Variants in GFRA2 observed in about 807,000 individuals in gnomAD.
GFRA2 encodes GDNF family receptor alpha-2.
A neutral mutation model predicts 48.3 loss-of-function variants in GFRA2; 17 were observed. That is an observed-to-expected ratio of 0.35 (90% CI 0.24 to 0.53). GFRA2 has a LOEUF of 0.53. Ranked by LOEUF, GFRA2 falls within the 20% of genes least tolerant of loss-of-function variation. GFRA2 has a pLI of 0.93. For missense variants in GFRA2, 660 were observed against 637.3 expected (o/e 1.04, Z -0.38); for synonymous variants, 305 against 257.2 (o/e 1.19, Z -1.78).
chr8:21,807,828 C>A (rs2117121446), intron 1 of GFRA2, among the ~76,000 whole-genome samples: 1 of 152,346 alleles, frequency 6.6e-6, no homozygotes, highest in South Asian at 2.1e-4. Flanking sequence ...CTTTCTATTT[C>A]AATTCCGTCT....
chr8:21,766,077 G>A (rs141313928), intron 3 of GFRA2, among the ~76,000 whole-genome samples: 1 of 152,058 alleles, frequency 6.6e-6, no homozygotes, highest in Non-Finnish European at 1.5e-5. Flanking sequence ...AATGCCTCCA[G>A]TGGTTTCTCA....
In GFRA2 at chr8:21,702,993, G is replaced by A; in HGVS notation, c.1046-16C>T. ...ATGGCGTTCCCTGGGATGGGGGTGAGGGCAGATGCAGAGAAGTCAGAACCC... is the reference window on the plus strand; with the variant it reads ...ATGGCGTTCCCTGGGATGGGGGTGAAGGCAGATGCAGAGAAGTCAGAACCC... On this transcript the variant is annotated splice_polypyrimidine_tract_variant and intron_variant, in intron 6 of 8. Transcript: ENST00000524240. 2.0e-6 allele frequency: 3 copies of A among 1,485,860 alleles called. No individual in the cohort carries two copies. Among genetic ancestry groups the A allele is most frequent in the Non-Finnish European group, 2.7e-6 (3 of 1,120,472 alleles). The allele number at this position is 1,485,860 out of a possible 1,614,324, so 92.0% of individuals were successfully genotyped here. A position where few individuals can be genotyped will look rare whatever the true frequency, so the allele number is the denominator to read the frequency against.
At position 21,691,106 on chromosome 8, in the gene GFRA2, T is replaced by A. The variant is rs746662823; in HGVS notation, c.*2172A>T. On this transcript the variant is annotated 3_prime_UTR_variant, in exon 9 of 9. Coordinates refer to ENST00000524240, the MANE Select transcript of GFRA2 (RefSeq NM_001495.5). ...CAAAAGCCATTGAGGGGACCTGCGA[T>A]TGGGAGATGGGAAAACTGCATCCTA... is the stretch of plus-strand genomic sequence containing the variant. The A allele has an allele frequency of 6.6e-6, 1 of 152,202 alleles. No individual in the cohort carries two copies. Among genetic ancestry groups the A allele is most frequent in the Admixed American group, 6.5e-5 (1 of 15,280 alleles). The allele number at this position is 152,202 out of a possible 1,614,324, so 9.4% of individuals were successfully genotyped here.
intron 6 of GFRA2, 52 bp downstream of exon 6, chr8:21,704,933 C>G: frequency 7.2e-7 from 1 of 1,393,002 alleles, no homozygotes; most frequent in East Asian, 2.3e-5. Context: ...AGGACAGACT[C>G]CAGGAGGGGT....
chr8:21,702,077 C>G (rs1239675629), intron 7 of GFRA2, among the ~76,000 whole-genome samples: 1 of 152,212 alleles, frequency 6.6e-6, no homozygotes, highest in African/African-American at 2.4e-5. Flanking sequence ...CTGCCCGCCG[C>G]TCTAGCATGA....
intron 1 of GFRA2, among the ~76,000 whole-genome samples, chr8:21,809,474 G>A (rs563603004): frequency 3.5e-5 from 5 of 141,520 alleles, no homozygotes; most frequent in South Asian, 2.2e-4. Flanking sequence ...ACAGGCGCCC[G>A]CCACCATGCC....
At chr8:21,779,657 G>A (rs2117728664) in intron 2 of GFRA2, 1 of 152,374 alleles carries the variant, frequency 6.6e-6, no homozygotes, top group South Asian at 2.1e-4. Context: ...CCTCAGGACA[G>A]TATTCCTCCC....
At chr8:21,761,023 G>A (rs899295014) in intron 3 of GFRA2, among the ~76,000 whole-genome samples, 18 of 152,128 alleles carry the variant, frequency 1.2e-4, no homozygotes, top group Admixed American at 3.3e-4. Context: ...CAGCAAGGGC[G>A]GGTAGAGAAA....
chr8:21,792,874 G>A (rs1807600476), upstream of GFRA2, among the ~76,000 whole-genome samples: 1 of 152,160 alleles, frequency 6.6e-6, no homozygotes, highest in African/African-American at 2.4e-5. Flanking sequence ...AGACCAGCCT[G>A]ACCAACATGG....
chr8:21,714,771 G>GCAGC (rs1397865410), intron 4 of GFRA2, among the ~76,000 whole-genome samples: 1 of 152,176 alleles, frequency 6.6e-6, no homozygotes, highest in East Asian at 1.9e-4. Flanking sequence ...CACACAACCT[G>GCAGC]CAGCCAGCAC....
rs1807070790 is a variant in GFRA2 at position 21,782,700 on chromosome 8, C to T, written c.240G>A (p.Ala80=). ...NTMLANKECQ[A]ALEVLQESPL... The stretch of plus-strand genomic sequence containing the variant: ...GGCTCTCCTGCAAGACCTCCAAGGC[C>T]GCCTGGCACTCCTTGTTGGCCAGCA... Residue 80 remains alanine, a synonymous_variant, in exon 2 of 9, where the codon GCG becomes GCA. Transcript: ENST00000524240. 1.9e-6 allele frequency: 3 copies of T among 1,594,000 alleles called. No individual in the cohort carries two copies. Among genetic ancestry groups the T allele is most frequent in the Non-Finnish European group, 2.6e-6 (3 of 1,170,786 alleles).
intron 7 of GFRA2, among the ~76,000 whole-genome samples, chr8:21,701,389 G>GT (rs1243247114): frequency 2.6e-5 from 4 of 152,146 alleles, no homozygotes. Flanking sequence ...GCGAGACTCC[G>GT]TCTCAAAAAA....
intron 4 of GFRA2, among the ~76,000 whole-genome samples, chr8:21,739,142 C>T (rs773801693): frequency 6.6e-6 from 1 of 152,172 alleles, no homozygotes; most frequent in African/African-American, 2.4e-5. Context: ...GTGTCTTGGA[C>T]CAGGGAGAGT....
At chr8:21,756,141 C>G (rs1156522715) in intron 3 of GFRA2, among the ~76,000 whole-genome samples, 1 of 152,172 alleles carries the variant, frequency 6.6e-6, no homozygotes, top group Non-Finnish European at 1.5e-5. Context: ...CCCCCAGGTT[C>G]CCCAGGTGCT....
At chr8:21,704,321 A>C (rs147099200) in intron 6 of GFRA2, among the ~76,000 whole-genome samples, 1 of 152,326 alleles carries the variant, frequency 6.6e-6, no homozygotes, top group East Asian at 1.9e-4. Flanking sequence ...AACCCTGTGC[A>C]GACCCCCCGC....
chr8:21,804,658 G>C (rs1047333006), intron 2 of GFRA2, among the ~76,000 whole-genome samples: 1 of 152,142 alleles, frequency 6.6e-6, no homozygotes, highest in African/African-American at 2.4e-5. Context: ...CACAGCCTCA[G>C]ATTTGTCTGC....
chr8:21,705,174 T>A, intron 5 of GFRA2, 49 bp from the exon 6 acceptor site: 1 of 1,559,584 alleles, frequency 6.4e-7, no homozygotes, highest in Non-Finnish European at 8.7e-7. Flanking sequence ...GGTGGGGCCT[T>A]CCCCTTGGGC....
chr8:21,708,239 T>C (rs1016212673), intron 4 of GFRA2, among the ~76,000 whole-genome samples: 5 of 152,220 alleles, frequency 3.3e-5, no homozygotes, highest in Non-Finnish European at 7.3e-5. Flanking sequence ...TGCCCATAAA[T>C]GCACCCTCTG....
chr8:21,787,969 G>T, intron 1 of GFRA2, 151 bp downstream of exon 1: 1 of 433,322 alleles, frequency 2.3e-6, no homozygotes. Context: ...CTGCCGCCCG[G>T]CCCCGCTCGG....
Sources: gnomAD v4.1 joint callset for allele counts (sites outside exome capture counted in the v4.1 genomes callset) on GRCh38, gnomAD v4.1.1 for gene constraint, MANE v1.5 for transcripts, NCBI Gene and HGNC (gene_info 2026-07-23, HGNC 2026-07-21) for gene names.